The following DOCK5 variants were observed in gnomAD, a reference collection of about 807,000 sequenced individuals.
DOCK5 encodes dedicator of cytokinesis 5.
In DOCK5, 142 loss-of-function variants were observed where a neutral mutation model predicts 251.8. That is an observed-to-expected ratio of 0.56 (90% CI 0.49 to 0.65). The LOEUF (loss-of-function observed/expected upper bound fraction) is 0.65, where lower values mean the gene tolerates loss of function less well. Ranked by LOEUF, DOCK5 falls within the 30% of genes least tolerant of loss-of-function variation. DOCK5 has a pLI of 0.00. For missense variants in DOCK5, 2,111 were observed against 2,312.3 expected, an observed-to-expected ratio of 0.91 and a Z score of 1.79; for synonymous variants, 842 against 835.5, an observed-to-expected ratio of 1.01 and a Z score of -0.13.
intron 2 of DOCK5, among the ~76,000 whole-genome samples, chr8:25,245,278 G>A (rs185720007): frequency 0.025 from 3,812 of 152,124 alleles, 67 homozygotes; most frequent in South Asian, 0.055. Context: ...GGATGGTCTC[G>A]ATCTCCTGAC....
intron 1 of DOCK5, among the ~76,000 whole-genome samples, chr8:25,214,297 C>G (rs996293720): frequency 6.6e-6 from 1 of 152,042 alleles, no homozygotes; most frequent in African/African-American, 2.4e-5. Context: ...TGATCTTAAC[C>G]TTGGATATTT....
intron 4 of DOCK5, among the ~76,000 whole-genome samples, chr8:25,277,850 C>T (rs1804087216): frequency 6.6e-6 from 1 of 152,160 alleles, no homozygotes; most frequent in Non-Finnish European, 1.5e-5. Context: ...TTAACTAGGT[C>T]TCCTATATTT....
At chr8:25,410,026 GT>G (rs2117350806) in intron 50 of DOCK5, 72 bp from the exon 51 acceptor site, 1 of 1,299,334 alleles carries the variant, frequency 7.7e-7, no homozygotes, top group Non-Finnish European at 1.1e-6. Context: ...AGGTGTTACA[GT>G]GCCAGCAACA....
rs141718477 is a variant in DOCK5 at position 25,398,682 on chromosome 8, C to T, written c.4705-1229C>T. The stretch of plus-strand genomic sequence containing the variant: ...ATGGCCATCTTCTTGCATCTCTTCA[C>T]ATAATGTTCTCCCAGTGTTTGCACT... On this transcript the variant is annotated intron_variant, in intron 45 of 51. Coordinates refer to ENST00000276440, the MANE Select transcript of DOCK5 (RefSeq NM_024940.8). 1.7e-4 allele frequency among the ~76,000 whole-genome samples: 26 copies of T among 152,288 alleles called. No individual in the cohort carries two copies. The South Asian group carries it at 3.7e-3, about 22-fold the overall frequency.
intron 1 of DOCK5, among the ~76,000 whole-genome samples, chr8:25,236,691 C>T (rs1802805897): frequency 6.6e-6 from 1 of 152,126 alleles, no homozygotes; most frequent in Admixed American, 6.5e-5. Context: ...AGCGATTCTC[C>T]TGCCTCAGCC....
chr8:25,356,001 G>A (rs370561952), intron 27 of DOCK5, among the ~76,000 whole-genome samples: 1 of 146,010 alleles, frequency 6.8e-6, no homozygotes, highest in Non-Finnish European at 1.5e-5. Context: ...GACCATCCTG[G>A]CCAATATGGT....
At chr8:25,352,473 A>C (rs1379082904) in intron 27 of DOCK5, among the ~76,000 whole-genome samples, 5 of 152,146 alleles carry the variant, frequency 3.3e-5, no homozygotes, top group Non-Finnish European at 7.3e-5. Flanking sequence ...GATGCCGGGT[A>C]ACAACTATGA....
chr8:25,234,307 C>T (rs1245265980), intron 1 of DOCK5, among the ~76,000 whole-genome samples: 2 of 152,188 alleles, frequency 1.3e-5, no homozygotes, highest in African/African-American at 4.8e-5. Context: ...CTGTCTATAA[C>T]AGAGTCTTAG....
At position 25,209,359 on chromosome 8, in the gene DOCK5, C is replaced by T. The variant is rs1230954668; in HGVS notation, c.43+24408C>T. ...AGTCTGGCAGTGCCAGGGAAGGATG[C>T]TTCCTTTCAATAAGCGAACATTGTG... On this transcript the variant is annotated intron_variant, in intron 1 of 51. Coordinates refer to ENST00000276440, the MANE Select transcript of DOCK5 (RefSeq NM_024940.8). 8.5e-5 allele frequency among the ~76,000 whole-genome samples: 6 copies of T among 70,984 alleles called. 2 individuals are homozygous for T. Among genetic ancestry groups the T allele is most frequent in the African/African-American group, 1.9e-4 (6 of 31,328 alleles). The allele number at this position is 70,984 out of a possible 152,430, so 46.6% of individuals were successfully genotyped here.
intron 1 of DOCK5, among the ~76,000 whole-genome samples, chr8:25,223,459 C>T (rs560402519): frequency 3.7e-4 from 57 of 152,266 alleles, no homozygotes; most frequent in Admixed American, 7.2e-4. Context: ...GGACTACAGG[C>T]GTGGGCCACC....
At chr8:25,195,263 T>TA (rs1431229686) in intron 1 of DOCK5, among the ~76,000 whole-genome samples, 1 of 150,274 alleles carries the variant, frequency 6.7e-6, no homozygotes, top group East Asian at 1.9e-4. Context: ...TTTTTTTTTT[T>TA]TTTTTTTTTT....
At chr8:25,403,748 C>T (rs761937404) in intron 48 of DOCK5, 24 bp downstream of exon 48, 9 of 1,611,862 alleles carry the variant, frequency 5.6e-6, no homozygotes, top group Non-Finnish European at 6.8e-6. Context: ...CTTTAATCTG[C>T]AGGAAGGGTG....
intron 2 of DOCK5, among the ~76,000 whole-genome samples, chr8:25,258,040 C>T (rs951760500): frequency 5.3e-5 from 8 of 152,068 alleles, no homozygotes; most frequent in Admixed American, 1.3e-4. Context: ...AAATATAAAG[C>T]GAATTGGCCA....
At chr8:25,406,042 T>G (rs1173059140) in intron 48 of DOCK5, among the ~76,000 whole-genome samples, 4 of 152,146 alleles carry the variant, frequency 2.6e-5, no homozygotes, top group Non-Finnish European at 5.9e-5. Flanking sequence ...CACCGCAAGC[T>G]CCGCCTCCCG....
chr8:25,269,394 A>G (rs948412068), intron 3 of DOCK5, among the ~76,000 whole-genome samples: 1 of 152,252 alleles, frequency 6.6e-6, no homozygotes, highest in Non-Finnish European at 1.5e-5. Context: ...TTTTCCAAAA[A>G]ATGAAACCGA....
At chr8:25,316,437 C>T (rs1805253398) in intron 13 of DOCK5, among the ~76,000 whole-genome samples, 2 of 152,126 alleles carry the variant, frequency 1.3e-5, no homozygotes, top group Non-Finnish European at 2.9e-5. Context: ...GCCGAGATTG[C>T]ACCACTGCAC....
intron 5 of DOCK5, among the ~76,000 whole-genome samples, chr8:25,283,976 T>G (rs1010630462): frequency 1.3e-5 from 2 of 152,162 alleles, no homozygotes; most frequent in African/African-American, 4.8e-5. Flanking sequence ...TACCAAGACC[T>G]TGGACATTGG....
chr8:25,242,037 A>G (rs896919820), intron 1 of DOCK5, among the ~76,000 whole-genome samples: 1 of 152,188 alleles, frequency 6.6e-6, no homozygotes, highest in African/African-American at 2.4e-5. Context: ...TAGTATTAGA[A>G]GAAATACCTA....
At chr8:25,249,194 C>G (rs1289949133) in intron 2 of DOCK5, among the ~76,000 whole-genome samples, 3 of 151,912 alleles carry the variant, frequency 2.0e-5, no homozygotes, top group African/African-American at 7.3e-5. Flanking sequence ...AGAGGTGAAG[C>G]CTTGCTGTGT....
Sources: gnomAD v4.1 joint callset for allele counts (sites outside exome capture counted in the v4.1 genomes callset) on GRCh38, gnomAD v4.1.1 for gene constraint, MANE v1.5 for transcripts, NCBI Gene and HGNC (gene_info 2026-07-23, HGNC 2026-07-21) for gene names.